SPATA3: variants seen among roughly 807,000 people sequenced by gnomAD.
SPATA3 encodes spermatogenesis associated 3, also known as spermatogenesis-associated protein 3.
SPATA3 carries 6 observed loss-of-function variants against 5.7 expected under a neutral mutation model. The ratio of observed to expected loss-of-function variants is 1.06; its 90% CI spans 0.58 to 2.09. The LOEUF (loss-of-function observed/expected upper bound fraction) is 2.09, where lower values mean the gene tolerates loss of function less well. Ranked by LOEUF, SPATA3 falls within the 30% of genes most tolerant of loss-of-function variation. The pLI, the probability that SPATA3 is intolerant of heterozygous loss-of-function variation, is 0.00. For missense variants in SPATA3, 155 were observed against 130.4 expected, an observed-to-expected ratio of 1.19 and a Z score of -0.92; for synonymous variants, 44 against 48.4, an observed-to-expected ratio of 0.91 and a Z score of 0.37.
rs1353084755 is a variant in SPATA3 at position 231,001,149 on chromosome 2, ATC to A, written c.962+614_962+615del. Among the ~76,000 whole-genome samples the A allele has an allele frequency of 2.0e-5, 3 of 152,114 alleles. No homozygotes were observed. In the East Asian group the frequency reaches 5.8e-4, roughly 29 times the overall value. Reference sequence around the variant, plus strand: ...CGGCCCCCATGACATCACCCATAGTATCTGTCCTTCCTTCCTCTTCCCAAAAA... The same window carrying A: ...CGGCCCCCATGACATCACCCATAGTATGTCCTTCCTTCCTCTTCCCAAAAA... On this transcript the variant is annotated intron_variant, in intron 2 of 2. Transcript: ENST00000645363.
At chr2:231,002,566 G>A (rs1044552666) in intron 2 of SPATA3, 118 bp from the exon 3 acceptor site, 7 of 546,840 alleles carry the variant, frequency 1.3e-5, no homozygotes, top group Admixed American at 3.7e-5. Flanking sequence ...GTTTGGAGAG[G>A]GGGAAGATGG....
At chr2:231,012,550 T>C (rs1692815485) in intron 4 of SPATA3, 1 of 152,220 alleles carries the variant, frequency 6.6e-6, no homozygotes, top group African/African-American at 2.4e-5. Flanking sequence ...AGAGTTTAGT[T>C]GTTTTTTTCT....
chr2:231,012,268 G>A (rs777289726), downstream of SPATA3, among the ~76,000 whole-genome samples: 14 of 152,224 alleles, frequency 9.2e-5, no homozygotes, highest in Non-Finnish European at 1.6e-4. Context: ...GCGGGTGTCT[G>A]ATCTCATCTG....
exon 3 of SPATA3, chr2:231,002,723 T>C: frequency 6.5e-7 from 1 of 1,532,654 alleles, no homozygotes; most frequent in Non-Finnish European, 8.8e-7. Context: ...GTAACGCGTG[T>C]CCTCCAAGCC....
At chr2:231,005,457 C>T (rs1263575431), downstream of SPATA3, among the ~76,000 whole-genome samples, 6 of 40,244 alleles carry the variant, frequency 1.5e-4, no homozygotes, top group South Asian at 8.0e-4. Context: ...ATCACCACCA[C>T]CACCACCACC....
downstream of SPATA3, among the ~76,000 whole-genome samples, chr2:231,005,527 C>T (rs1347344507): frequency 1.8e-5 from 1 of 54,568 alleles, no homozygotes; most frequent in African/African-American, 6.0e-5. Flanking sequence ...TCACCACCAC[C>T]ACCATCATCA....
downstream of SPATA3, among the ~76,000 whole-genome samples, chr2:231,006,000 C>CA (rs35868663): frequency 0.32 from 39,708 of 123,908 alleles, 5,874 homozygotes; most frequent in Admixed American, 0.38. Context: ...CTTGTCTCTA[C>CA]AAAAAAAAAA....
chr2:231,016,956 A>AT (rs1485410311), intron 6 of SPATA3, among the ~76,000 whole-genome samples: 1 of 152,198 alleles, frequency 6.6e-6, no homozygotes, highest in Non-Finnish European at 1.5e-5. Flanking sequence ...ATGATACAGG[A>AT]TTTTATACTA....
At chr2:231,007,056 G>A (rs1187392158), downstream of SPATA3, among the ~76,000 whole-genome samples, 2 of 152,182 alleles carry the variant, frequency 1.3e-5, no homozygotes, top group African/African-American at 4.8e-5. Context: ...AGGAGTGGGT[G>A]CAAGGAATGG....
intron 6 of SPATA3, among the ~76,000 whole-genome samples, chr2:231,014,669 G>A (rs1012178802): frequency 6.6e-6 from 1 of 152,078 alleles, no homozygotes; most frequent in Non-Finnish European, 1.5e-5. Context: ...TACTCTGCTG[G>A]TCTCCATCCT....
In SPATA3 at chr2:231,013,323, C is replaced by T. The variant is rs564665244; in HGVS notation, c.*227-551C>T. ...CTCAATCAGTTTGGACTTTTTTTAC[C>T]TGGCTTCTTTTGCTCATCATAATAT... On this transcript the variant is annotated intron_variant, in intron 5 of 8. Coordinates refer to the SPATA3 transcript ENST00000452881. 2.0e-5 allele frequency among the ~76,000 whole-genome samples: 3 copies of T among 152,256 alleles called. No individual in the cohort carries two copies. In the East Asian group the frequency reaches 5.8e-4, roughly 29 times the overall value.
At chr2:231,006,452 G>A (rs1438980265), downstream of SPATA3, among the ~76,000 whole-genome samples, 8 of 148,520 alleles carry the variant, frequency 5.4e-5, no homozygotes, top group Non-Finnish European at 1.2e-4. Context: ...GCAGTGAGCC[G>A]AGATCGCACC....
At chr2:231,006,855 G>A (rs994325155), downstream of SPATA3, 3 of 152,190 alleles carry the variant, frequency 2.0e-5, no homozygotes, top group African/African-American at 4.8e-5. Flanking sequence ...TAAAAGCAAA[G>A]GACTTCTTTC....
At chr2:230,997,996 G>T (rs1692191809) in intron 1 of SPATA3, among the ~76,000 whole-genome samples, 1 of 152,170 alleles carries the variant, frequency 6.6e-6, no homozygotes, top group South Asian at 2.1e-4. Flanking sequence ...CCTGAGAAGG[G>T]AAACCCACTC....
At chr2:231,019,263 C>T (rs765291886) in intron 6 of SPATA3, among the ~76,000 whole-genome samples, 7 of 151,462 alleles carry the variant, frequency 4.6e-5, no homozygotes, top group Non-Finnish European at 7.4e-5. Flanking sequence ...GCCACCGTGC[C>T]AGGCCTCGAT....
chr2:231,017,925 A>T (rs1692972509), intron 6 of SPATA3, among the ~76,000 whole-genome samples: 1 of 142,198 alleles, frequency 7.0e-6, no homozygotes, highest in Non-Finnish European at 1.5e-5. Context: ...CTGATAGAGA[A>T]ACTTTTTTTT....
downstream of SPATA3, among the ~76,000 whole-genome samples, chr2:231,005,571 T>A (rs796280961): frequency 5.4e-5 from 1 of 18,470 alleles, no homozygotes; most frequent in Non-Finnish European, 1.2e-4. Context: ...ATCACCATCA[T>A]CATCACCATC....
At chr2:230,997,513 A>G (rs563310493) in intron 1 of SPATA3, among the ~76,000 whole-genome samples, 2 of 152,366 alleles carry the variant, frequency 1.3e-5, no homozygotes, top group South Asian at 4.1e-4. Context: ...TAATTTTAGT[A>G]AACAACAAAT....
At chr2:231,004,752 T>A (rs1692475661), downstream of SPATA3, among the ~76,000 whole-genome samples, 1 of 152,130 alleles carries the variant, frequency 6.6e-6, no homozygotes, top group South Asian at 2.1e-4. Flanking sequence ...TTCTGAGGCC[T>A]GGGGCAGGTT....
Sources: allele counts gnomAD v4.1 joint callset (sites outside exome capture counted in the v4.1 genomes callset), GRCh38; gene constraint gnomAD v4.1.1; transcripts MANE v1.5; gene names NCBI Gene and HGNC (gene_info 2026-07-23, HGNC 2026-07-21).